TMTC1: variants seen among roughly 807,000 people sequenced by gnomAD.
TMTC1 encodes the protein transmembrane O-mannosyltransferase targeting cadherins 1, also known as protein O-mannosyl-transferase TMTC1.
In TMTC1, 73 loss-of-function variants were observed where a neutral mutation model predicts 104.8. That is an observed-to-expected ratio of 0.70 (90% CI 0.58 to 0.85). The LOEUF (loss-of-function observed/expected upper bound fraction) is 0.85, where lower values mean the gene tolerates loss of function less well. Ranked by LOEUF, TMTC1 falls within the 40% of genes least tolerant of loss-of-function variation. The pLI is 0.00. For missense variants in TMTC1, 1,035 were observed against 1,096.1 expected, an observed-to-expected ratio of 0.94 and a Z score of 0.79; for synonymous variants, 434 against 428.7, an observed-to-expected ratio of 1.01 and a Z score of -0.15.
intron 5 of TMTC1, among the ~76,000 whole-genome samples, chr12:29,662,709 T>C (rs993621509): frequency 1.3e-5 from 2 of 149,012 alleles, no homozygotes; most frequent in African/African-American, 4.9e-5. Flanking sequence ...ACAAAACACA[T>C]GTGGCTCCTC....
chr12:29,507,449 T>C (rs1384114748), intron 17 of TMTC1, among the ~76,000 whole-genome samples: 3 of 152,264 alleles, frequency 2.0e-5, no homozygotes, highest in African/African-American at 4.8e-5. Flanking sequence ...TGTTTAGTGA[T>C]AGCAGTTATT....
intron 9 of TMTC1, among the ~76,000 whole-genome samples, chr12:29,563,613 G>T (rs765999803): frequency 6.6e-6 from 1 of 152,092 alleles, no homozygotes; most frequent in South Asian, 2.1e-4. Flanking sequence ...AAGAAAAGTT[G>T]TTCTGCAAAA....
At position 29,516,497 on chromosome 12, in the gene TMTC1, A is replaced by G. The variant is rs749681650; in HGVS notation, c.2170-11T>C. The G allele has an allele frequency of 6.2e-7, 1 of 1,611,442 alleles. No homozygotes were observed. Among genetic ancestry groups the G allele is most frequent in the Non-Finnish European group, 8.5e-7 (1 of 1,178,358 alleles). ...GGCCAAAACCTGAGCCTACAAAACC[A>G]CATGGACCTTGGCTTAGCAGAGACT... On this transcript the variant is annotated splice_polypyrimidine_tract_variant and intron_variant, in intron 14 of 17. Coordinates refer to ENST00000539277, the MANE Select transcript of TMTC1 (RefSeq NM_001193451.2).
At chr12:29,617,019 G>T (rs886152099) in intron 6 of TMTC1, among the ~76,000 whole-genome samples, 26 of 152,040 alleles carry the variant, frequency 1.7e-4, no homozygotes, top group Non-Finnish European at 1.8e-4. Flanking sequence ...AATCTCTAAT[G>T]TTTTATCTTA....
chr12:29,568,550 A>T (rs2136290485), intron 9 of TMTC1, among the ~76,000 whole-genome samples: 1 of 152,360 alleles, frequency 6.6e-6, no homozygotes, highest in East Asian at 1.9e-4. Context: ...TAATCAGAAG[A>T]TTCTTACTTA....
chr12:29,554,559 T>C (rs1419930148), intron 10 of TMTC1, among the ~76,000 whole-genome samples: 1 of 152,190 alleles, frequency 6.6e-6, no homozygotes, highest in Non-Finnish European at 1.5e-5. Flanking sequence ...TTAAAACCTA[T>C]ATTGTGCTAT....
At position 29,732,576 on chromosome 12, in the gene TMTC1, C is replaced by T. The variant is rs549242013; in HGVS notation, c.938+19090G>A. ...GTACTAGCCTGGATTTCCATATCCA[C>T]AAAATGTTAATAACAGCACTGATCT... On this transcript the variant is annotated intron_variant, in intron 5 of 17. Coordinates refer to ENST00000539277, the MANE Select transcript of TMTC1 (RefSeq NM_001193451.2). Among the ~76,000 whole-genome samples the T allele has an allele frequency of 1.2e-4, 18 of 152,270 alleles. No homozygotes were observed. In the South Asian group the frequency reaches 3.7e-3, roughly 32 times the overall value.
At chr12:29,545,629 T>TCTCACACACA (rs1333007328) in intron 10 of TMTC1, among the ~76,000 whole-genome samples, 3 of 73,530 alleles carry the variant, frequency 4.1e-5, no homozygotes, top group African/African-American at 1.7e-4. Flanking sequence ...CAAGACTCTG[T>TCTCACACACA]CACACACACA....
At chr12:29,709,550 G>C (rs1369209417) in intron 5 of TMTC1, among the ~76,000 whole-genome samples, 1 of 150,766 alleles carries the variant, frequency 6.6e-6, no homozygotes, top group Non-Finnish European at 1.5e-5. Flanking sequence ...AGTACATTCA[G>C]ATAAAAATTT....
chr12:29,643,535 A>T (rs1448931797), intron 5 of TMTC1, among the ~76,000 whole-genome samples: 17 of 59,122 alleles, frequency 2.9e-4, no homozygotes, highest in East Asian at 7.3e-4. Flanking sequence ...TAAAATATAT[A>T]ATATATATCA....
chr12:29,541,896 A>AT (rs1213714471), intron 10 of TMTC1, among the ~76,000 whole-genome samples: 1 of 152,034 alleles, frequency 6.6e-6, no homozygotes, highest in Non-Finnish European at 1.5e-5. Context: ...TGACCTCGTG[A>AT]TCCGCCTGCC....
intron 6 of TMTC1, among the ~76,000 whole-genome samples, chr12:29,631,285 T>C (rs183943107): frequency 7.9e-5 from 12 of 152,368 alleles, no homozygotes; most frequent in Admixed American, 7.2e-4. Flanking sequence ...CTTTTTCTTT[T>C]ACAGTTTTCA....
intron 1 of TMTC1, among the ~76,000 whole-genome samples, chr12:29,778,438 G>A (rs369607958): frequency 6.6e-6 from 1 of 152,066 alleles, no homozygotes; most frequent in African/African-American, 2.4e-5. Context: ...CAAGGGAGGG[G>A]TTATGGACAT....
At chr12:29,510,250 G>A (rs995969596) in intron 17 of TMTC1, among the ~76,000 whole-genome samples, 1 of 152,118 alleles carries the variant, frequency 6.6e-6, no homozygotes, top group Non-Finnish European at 1.5e-5. Context: ...TAACGCAGTG[G>A]TATTTGTGTA....
chr12:29,597,242 C>CTTTTTTTTTTTT (rs36063501), intron 7 of TMTC1, among the ~76,000 whole-genome samples: 2 of 124,178 alleles, frequency 1.6e-5, no homozygotes, highest in South Asian at 2.7e-4. Flanking sequence ...TCTTTTCTTT[C>CTTTTTTTTTTTT]TTTTTTTTTT....
intron 5 of TMTC1, chr12:29,660,728 G>A: frequency 2.2e-6 from 1 of 464,076 alleles, no homozygotes; most frequent in East Asian, 4.9e-5. Flanking sequence ...TGAATTACAT[G>A]TCTGAGCTGA....
intron 1 of TMTC1, among the ~76,000 whole-genome samples, chr12:29,770,816 C>T (rs922111960): frequency 5.3e-5 from 8 of 152,152 alleles, no homozygotes; most frequent in African/African-American, 1.2e-4. Flanking sequence ...AAGCTTCTAG[C>T]GTATTCTACG....
chr12:29,568,350 G>T lies in TMTC1; in HGVS notation c.1532+3755C>A, dbSNP rs1945575322. Among the ~76,000 whole-genome samples the T allele has an allele frequency of 1.3e-5, 2 of 152,064 alleles. 1 individual carries two copies. The highest frequency in any genetic ancestry group is 4.8e-5 in the African/African-American group (2 of 41,380). ...AAATGCTCTGAAAATGCTCAAAAAGGAAAGAAGTTCAAAAAAATCACTGTT... is the reference window on the plus strand; with the variant it reads ...AAATGCTCTGAAAATGCTCAAAAAGTAAAGAAGTTCAAAAAAATCACTGTT... On this transcript the variant is annotated intron_variant, in intron 9 of 17. Coordinates refer to ENST00000539277, the MANE Select transcript of TMTC1 (RefSeq NM_001193451.2).
At chr12:29,546,937 CA>C (rs1944958609) in intron 10 of TMTC1, among the ~76,000 whole-genome samples, 2 of 152,012 alleles carry the variant, frequency 1.3e-5, no homozygotes, top group South Asian at 4.1e-4. Context: ...TGAGTTATTC[CA>C]AAAATTATTC....
Sources: allele counts gnomAD v4.1 joint callset (sites outside exome capture counted in the v4.1 genomes callset), GRCh38; gene constraint gnomAD v4.1.1; transcripts MANE v1.5; gene names NCBI Gene and HGNC (gene_info 2026-07-23, HGNC 2026-07-21).